The following CHD1 variants were observed in gnomAD, a reference collection of about 807,000 sequenced individuals.
The protein encoded by CHD1 is ATP-dependent chromatin remodeler CHD1.
Under a neutral mutation model 224.2 loss-of-function variants are expected in CHD1, and 36 were observed. The ratio of observed to expected loss-of-function variants is 0.16; its 90% CI spans 0.12 to 0.21. CHD1 has a LOEUF of 0.21. Among genes scored for constraint, CHD1 ranks in the 10% least tolerant of loss-of-function variants. The pLI is 1.00. For missense variants in CHD1, 1,378 were observed against 1,994.8 expected (o/e 0.69, Z 5.89); for synonymous variants, 668 against 658.3 (o/e 1.01, Z -0.23).
chr5:98,885,487 G>C (rs910683938), intron 18 of CHD1, 91 bp downstream of exon 18: 2 of 819,656 alleles, frequency 2.4e-6, no homozygotes, highest in African/African-American at 3.5e-5. Context: ...TATCAAACTA[G>C]ATATGAAGAT....
chr5:98,868,991 A>G, intron 30 of CHD1: 4 of 816,206 alleles, frequency 4.9e-6, no homozygotes, highest in Non-Finnish European at 5.9e-6. Flanking sequence ...TACTTTCTAC[A>G]TTTTTTATTA....
chr5:98,888,350 T>A (rs749827148), intron 16 of CHD1, 110 bp from the exon 17 acceptor site: 8 of 819,840 alleles, frequency 9.8e-6, no homozygotes, highest in Non-Finnish European at 1.4e-5. Context: ...AATTTTCATG[T>A]TAGAAAACAA....
At chr5:98,870,581 C>A in intron 29 of CHD1, 106 bp downstream of exon 29, 1 of 528,568 alleles carries the variant, frequency 1.9e-6, no homozygotes, top group South Asian at 4.5e-5. Flanking sequence ...CAGAAAAATC[C>A]ATTTATATAA....
chr5:98,873,671 G>A lies in CHD1; in HGVS notation c.3493C>T (p.Leu1165Phe), dbSNP rs1332564136. The change falls in exon 26 of 36, where the codon CTT becomes TTT. Residue 1165 changes from leucine to phenylalanine, a missense_variant. Transcript: ENST00000614616. ...AELVDKSETDLRRLGELVHNG... is the reference protein window; with the variant it reads ...AELVDKSETDFRRLGELVHNG... ...TGTACCAATTCTCCCAGTCGTCTAAGGTCTGTTTCTGACTTATCAACTAAC... is the reference window on the plus strand; with the variant it reads ...TGTACCAATTCTCCCAGTCGTCTAAAGTCTGTTTCTGACTTATCAACTAAC... 6.2e-7 allele frequency: 1 copy of A among 1,609,516 alleles called. No homozygotes were observed. Among genetic ancestry groups the A allele is most frequent in the Admixed American group, 1.7e-5 (1 of 59,174 alleles).
In CHD1 at chr5:98,868,603, T is replaced by A; in HGVS notation, c.4140A>T (p.Arg1380Ser). The A allele has an allele frequency of 6.2e-7, 1 of 1,605,790 alleles. No homozygotes were observed. Reference protein sequence around the residue: ...LSESKSDGRERSKKSSVSDAP... With the variant: ...LSESKSDGRESSKKSSVSDAP... ...CATCTGACACTGAAGATTTCTTGGA[T>A]CTTTCCCTACCATCAGACTTGGATT... The change falls in exon 31 of 36, where the codon AGA becomes AGT. Residue 1380 changes from arginine to serine, a missense_variant. This residue lies in a region of CHD1 where 105 missense variants were observed against 93.4 expected (regional missense o/e 1.12). Transcript: ENST00000614616.
chr5:98,910,046 T>C (rs927506069), intron 2 of CHD1, among the ~76,000 whole-genome samples: 19 of 152,302 alleles, frequency 1.2e-4, no homozygotes, highest in Admixed American at 3.9e-4. Context: ...AGAAACTAAG[T>C]TGCAATCTAA....
intron 27 of CHD1, 61 bp from the exon 28 acceptor site, chr5:98,872,262 T>C: frequency 1.3e-6 from 2 of 1,539,332 alleles, no homozygotes; most frequent in Non-Finnish European, 1.8e-6. Flanking sequence ...AAAATTAATT[T>C]TGAAAAACGT....
intron 23 of CHD1, among the ~76,000 whole-genome samples, chr5:98,877,433 CT>C (rs1246326409): frequency 6.6e-6 from 1 of 152,140 alleles, no homozygotes; most frequent in Non-Finnish European, 1.5e-5. Flanking sequence ...GATTAGCTGT[CT>C]TTTTTTCCGT....
At chr5:98,895,690 T>C (rs1288048790) in intron 12 of CHD1, among the ~76,000 whole-genome samples, 3 of 148,080 alleles carry the variant, frequency 2.0e-5, no homozygotes, top group African/African-American at 7.5e-5. Flanking sequence ...GAGGTGGAGG[T>C]TGCAATGAGC....
chr5:98,856,428 A>G lies in CHD1; in HGVS notation c.5085T>C (p.Val1695=), dbSNP rs757082543. The change falls in exon 36 of 36, where the codon GTT becomes GTC. Residue 1695 remains valine (V), a synonymous_variant. Transcript: ENST00000614616. ...YGSRSPFEHS[V]EHKSTPEHTW... is the part of the protein sequence containing the mutation. Reference sequence around the variant, plus strand: ...TATGCTCCGGTGTACTTTTGTGTTCAACTGAATGTTCAAATGGAGATCTGG... The same window carrying G: ...TATGCTCCGGTGTACTTTTGTGTTCGACTGAATGTTCAAATGGAGATCTGG... 73 of 1,613,030 alleles carry G rather than the reference A, an allele frequency of 4.5e-5. No individual in the cohort carries two copies. Among genetic ancestry groups the G allele is most frequent in the Non-Finnish European group, 5.9e-5 (70 of 1,179,602 alleles).
chr5:98,879,006 T>G (rs1749971842), intron 23 of CHD1, among the ~76,000 whole-genome samples: 1 of 152,144 alleles, frequency 6.6e-6, no homozygotes, highest in African/African-American at 2.4e-5. Flanking sequence ...CCAAGGCAGA[T>G]GGATCACTTA....
rs374285847 is a variant in CHD1, at chr5:98,893,500, T to C, written c.1907A>G (p.Asn636Ser). Residue 636 changes from asparagine to serine, a missense_variant, in exon 14 of 36, where the codon AAT becomes AGT. Physicochemically the swap from Asn to Ser is conservative, Grantham distance 46. Coordinates refer to ENST00000614616, the MANE Select transcript of CHD1 (RefSeq NM_001270.4). ...LYKTLIDFKS[N>S]HRLLITGTPL... ...AGTTCCAGTGATAAGGAGACGATGA[T>C]TGGATTTAAAATCTATTAAAGTTTT... is the stretch of plus-strand genomic sequence containing the variant. The C allele has an allele frequency of 6.0e-5, 96 of 1,611,928 alleles. No individual in the cohort carries two copies. The highest frequency in any genetic ancestry group is 7.8e-5 in the Non-Finnish European group (92 of 1,178,604).
chr5:98,864,081 T>G (rs1044222337), intron 31 of CHD1, among the ~76,000 whole-genome samples: 4 of 152,108 alleles, frequency 2.6e-5, no homozygotes, highest in Non-Finnish European at 5.9e-5. Flanking sequence ...TCTTCATATT[T>G]TGGGTGGTTG....
chr5:98,874,048 G>A (rs946137160), intron 25 of CHD1, among the ~76,000 whole-genome samples: 15 of 152,100 alleles, frequency 9.9e-5, no homozygotes, highest in Admixed American at 5.2e-4. Context: ...AAACACAAAA[G>A]CTGAGTAAAG....
At chr5:98,873,957 A>G (rs1007609857) in intron 25 of CHD1, among the ~76,000 whole-genome samples, 1 of 152,250 alleles carries the variant, frequency 6.6e-6, no homozygotes, top group Non-Finnish European at 1.5e-5. Flanking sequence ...ATGGAAGATT[A>G]TATACCAATT....
At chr5:98,928,415 G>C (rs1374546037) in intron 1 of CHD1, 124 bp downstream of exon 1, 1 of 153,622 alleles carries the variant, frequency 6.5e-6, no homozygotes, top group Non-Finnish European at 1.4e-5. Flanking sequence ...GGCACTCACA[G>C]AGCCACCCGG....
intron 2 of CHD1, among the ~76,000 whole-genome samples, chr5:98,924,876 G>A (rs1363460347): frequency 6.6e-6 from 1 of 151,974 alleles, no homozygotes; most frequent in African/African-American, 2.4e-5. Flanking sequence ...TACTCCGGAG[G>A]CTGAGGTAGG....
rs1751226273 is a variant in CHD1 at position 98,894,528 on chromosome 5, G to A, written c.1800+69C>T. 7 of 527,998 alleles carry A rather than the reference G, an allele frequency of 1.3e-5. No individual in the cohort carries two copies. In the East Asian group the frequency reaches 2.0e-4, roughly 15 times the overall value. The allele number at this position is 527,998 out of a possible 1,614,324, so 32.7% of individuals were successfully genotyped here. On this transcript the variant is annotated intron_variant, in intron 13 of 35. Coordinates refer to ENST00000614616, the MANE Select transcript of CHD1 (RefSeq NM_001270.4). ...ACGATTTAGGCTATTCTCTCATCTT[G>A]TCCACAGCATATGATAAAGAAAAAA...
chr5:98,892,478 G>C (rs770775169), intron 15 of CHD1, 47 bp downstream of exon 15: 2 of 1,411,680 alleles, frequency 1.4e-6, no homozygotes, highest in East Asian at 4.6e-5. Flanking sequence ...AGACATGGAA[G>C]GTTTTCAGAA....
Sources: allele counts gnomAD v4.1 joint callset (sites outside exome capture counted in the v4.1 genomes callset), GRCh38; gene constraint gnomAD v4.1.1; regional missense constraint gnomAD v4.1.1; transcripts MANE v1.5; gene names NCBI Gene and HGNC (gene_info 2026-07-23, HGNC 2026-07-21).